EML6: variants seen among roughly 807,000 people sequenced by gnomAD.
The protein encoded by EML6 is echinoderm microtubule-associated protein-like 6.
Under a neutral mutation model 240.1 loss-of-function variants are expected in EML6, and 154 were observed. The observed-to-expected ratio is 0.64, with a 90% CI of 0.56 to 0.73. The LOEUF is 0.73. Ranked by LOEUF, EML6 falls within the 30% of genes least tolerant of loss-of-function variation. The pLI is 0.00. For synonymous variants in EML6, 1,148 were observed against 899.0 expected, an observed-to-expected ratio of 1.28 and a Z score of -4.95; for missense variants, 2,964 against 2,474.6, an observed-to-expected ratio of 1.20 and a Z score of -4.20.
At chr2:54,808,239 C>G (rs925000649) in intron 2 of EML6, among the ~76,000 whole-genome samples, 2 of 152,206 alleles carry the variant, frequency 1.3e-5, no homozygotes, top group African/African-American at 4.8e-5. Context: ...CTCTTGGGAC[C>G]AGGACTGGAA....
chr2:54,747,677 A>C (rs1261718464), intron 2 of EML6, among the ~76,000 whole-genome samples: 3 of 152,196 alleles, frequency 2.0e-5, no homozygotes, highest in African/African-American at 7.2e-5. Context: ...CTTTAAGTAA[A>C]CTTATTTGAG....
At chr2:54,818,019 C>G (rs17345361) in intron 4 of EML6, among the ~76,000 whole-genome samples, 5 of 100,576 alleles carry the variant, frequency 5.0e-5, no homozygotes, top group Non-Finnish European at 1.0e-4. Flanking sequence ...GGAGACTTCA[C>G]GGCATATATA....
rs757149004 is a variant in EML6 at position 54,777,469 on chromosome 2, C to CA, written c.198-35759dup. Among the ~76,000 whole-genome samples, 14 of 152,138 alleles carry CA rather than the reference C, an allele frequency of 9.2e-5. No individual in the cohort carries two copies. In the East Asian group the frequency reaches 2.5e-3, roughly 27 times the overall value. On this transcript the variant is annotated intron_variant, in intron 2 of 41. Transcript: ENST00000356458. Reference sequence around the variant, plus strand: ...CGCTTTCTGTCTTCCACATAGACCTCAAAACTTTTGGTCCACTATTAGCAC... The same window carrying CA: ...CGCTTTCTGTCTTCCACATAGACCTCAAAAACTTTTGGTCCACTATTAGCAC...
intron 2 of EML6, among the ~76,000 whole-genome samples, chr2:54,726,170 A>T (rs1186221663): frequency 6.6e-6 from 1 of 152,238 alleles, no homozygotes; most frequent in African/African-American, 2.4e-5. Context: ...GATTTTCGTC[A>T]TATGGGAGCC....
Position 54,853,647 on chromosome 2 carries a change from G to A in EML6, c.1449G>A (p.Gly483=), listed in dbSNP as rs1276440471. 6.5e-7 allele frequency: 1 copy of A among 1,528,770 alleles called. No individual in the cohort carries two copies. The highest frequency in any genetic ancestry group is 8.8e-7 in the Non-Finnish European group (1 of 1,133,242). The allele number at this position is 1,528,770 out of a possible 1,614,324, so 94.7% of individuals were successfully genotyped here. A position where few individuals can be genotyped will look rare whatever the true frequency, so the allele number is the denominator to read the frequency against. The stretch of plus-strand genomic sequence containing the variant: ...GTTAATATTGATTATTTTCAGCTGG[G>A]AAGCCTTTAACAAGTAAAGAAGAAA... ...GERLFYRMPS[G]KPLTSKEEIK... is the part of the protein sequence containing the mutation. The change falls in exon 11 of 42, where the codon GGG becomes GGA. Residue 483 remains glycine, a synonymous_variant. Transcript: ENST00000356458.
intron 29 of EML6, among the ~76,000 whole-genome samples, chr2:54,949,651 A>G (rs1403102912): frequency 1.3e-5 from 2 of 152,158 alleles, no homozygotes; most frequent in Admixed American, 6.5e-5. Flanking sequence ...TAAAGTATAC[A>G]TCTTCCATGC....
At chr2:54,846,689 G>T (rs13029933) in intron 8 of EML6, among the ~76,000 whole-genome samples, 36,817 of 151,856 alleles carry the variant, frequency 0.24, 5,068 homozygotes, top group African/African-American at 0.38. Flanking sequence ...TCACCATGTT[G>T]CTCAGGCTGG....
intron 16 of EML6, 135 bp from the exon 17 acceptor site, chr2:54,879,412 T>C (rs1204850309): frequency 1.6e-6 from 1 of 644,718 alleles, no homozygotes; most frequent in East Asian, 2.7e-5. Context: ...TATAATCAAG[T>C]CAGGGCAGCT....
chr2:54,950,206 G>A (rs527480854), intron 29 of EML6, among the ~76,000 whole-genome samples: 14 of 152,276 alleles, frequency 9.2e-5, no homozygotes, highest in Non-Finnish European at 1.6e-4. Flanking sequence ...GCAGCAGAAC[G>A]AGCATGGCCT....
At chr2:54,919,199 G>A (rs1674088192) in intron 26 of EML6, among the ~76,000 whole-genome samples, 1 of 150,914 alleles carries the variant, frequency 6.6e-6, no homozygotes, top group African/African-American at 2.5e-5. Context: ...TTCATGTGAA[G>A]CCACCTGATT....
At chr2:54,820,911 C>CCTAT (rs938224089) in intron 5 of EML6, among the ~76,000 whole-genome samples, 1 of 152,112 alleles carries the variant, frequency 6.6e-6, no homozygotes, top group African/African-American at 2.4e-5. Flanking sequence ...ACAGTACAAA[C>CCTAT]CTATCTGGAC....
chr2:54,850,853 T>A (rs1224013536), intron 10 of EML6, among the ~76,000 whole-genome samples: 1 of 152,214 alleles, frequency 6.6e-6, no homozygotes, highest in Non-Finnish European at 1.5e-5. Context: ...TATAATGGAA[T>A]ACTTTAAAGA....
At chr2:54,797,164 C>CAAAAA (rs773498648) in intron 2 of EML6, among the ~76,000 whole-genome samples, 4,402 of 43,748 alleles carry the variant, frequency 0.1, 624 homozygotes, top group East Asian at 0.21. Context: ...GACTCCATCT[C>CAAAAA]AAAAAAAAAA....
chr2:54,895,247 G>C, intron 20 of EML6, 26 bp from the exon 21 acceptor site: 1 of 1,550,742 alleles, frequency 6.4e-7, no homozygotes, highest in Non-Finnish European at 8.7e-7. Flanking sequence ...TTGTTATTGT[G>C]TTAAATATAC....
chr2:54,779,520 T>C (rs950233280), intron 2 of EML6, among the ~76,000 whole-genome samples: 2 of 132,256 alleles, frequency 1.5e-5, no homozygotes, highest in Non-Finnish European at 3.1e-5. Flanking sequence ...CACTCCAGCC[T>C]GGGCGACAAA....
At chr2:54,963,005 T>C (rs1324978923) in intron 36 of EML6, among the ~76,000 whole-genome samples, 1 of 152,182 alleles carries the variant, frequency 6.6e-6, no homozygotes, top group Admixed American at 6.5e-5. Flanking sequence ...TGTGAAATGT[T>C]CTGAAATGGG....
At chr2:54,815,982 C>A (rs1453311511) in intron 3 of EML6, among the ~76,000 whole-genome samples, 1 of 152,164 alleles carries the variant, frequency 6.6e-6, no homozygotes, top group Non-Finnish European at 1.5e-5. Context: ...TTTTTATACC[C>A]ATTGTACAAA....
intron 2 of EML6, among the ~76,000 whole-genome samples, chr2:54,778,430 G>A (rs1313268192): frequency 6.6e-6 from 1 of 152,106 alleles, no homozygotes; most frequent in Non-Finnish European, 1.5e-5. Context: ...CCAAACTGGG[G>A]CTGAACTATA....
At chr2:54,743,554 ACT>A (rs1384152652) in intron 2 of EML6, among the ~76,000 whole-genome samples, 1 of 152,078 alleles carries the variant, frequency 6.6e-6, no homozygotes, top group African/African-American at 2.4e-5. Flanking sequence ...CCTATTTCTG[ACT>A]CCAAAGCCAT....
Sources: allele counts gnomAD v4.1 joint callset (sites outside exome capture counted in the v4.1 genomes callset), GRCh38; gene constraint gnomAD v4.1.1; transcripts MANE v1.5; gene names NCBI Gene and HGNC (gene_info 2026-07-23, HGNC 2026-07-21).